The following SERINC5 variants were observed in gnomAD, a reference collection of about 807,000 sequenced individuals.
The protein encoded by SERINC5 is chromosome 5 open reading frame 12.
A neutral mutation model predicts 63.1 loss-of-function variants in SERINC5; 41 were observed. The ratio of observed to expected loss-of-function variants is 0.65; its 90% CI spans 0.51 to 0.84. The LOEUF (loss-of-function observed/expected upper bound fraction) is 0.84. SERINC5 is among the 40% of genes least tolerant of loss of function. The pLI is 0.00. For synonymous variants in SERINC5, 222 were observed against 215.2 expected (o/e 1.03, Z -0.28); for missense variants, 523 against 573.0 (o/e 0.91, Z 0.89).
intron 11 of SERINC5, among the ~76,000 whole-genome samples, chr5:80,117,805 TG>T (rs1023462463): frequency 6.6e-5 from 10 of 151,902 alleles, no homozygotes; most frequent in Non-Finnish European, 1.3e-4. Context: ...CAGCTTTGGG[TG>T]GCTGTCAGCA....
At chr5:80,187,248 A>C (rs569955793) in intron 2 of SERINC5, among the ~76,000 whole-genome samples, 1 of 152,332 alleles carries the variant, frequency 6.6e-6, no homozygotes, top group East Asian at 1.9e-4. Context: ...TTTCAAAGAA[A>C]GCTTTGGGCA....
rs180888954 is a variant in SERINC5 at position 80,192,345 on chromosome 5, C to T, written c.195+10541G>A. 1.5e-3 allele frequency among the ~76,000 whole-genome samples: 223 copies of T among 152,312 alleles called. 1 individual carries two copies. The highest frequency in any genetic ancestry group is 0.01 in the Middle Eastern group (3 of 292). On this transcript the variant is annotated intron_variant, in intron 2 of 11. Coordinates refer to ENST00000507668, the MANE Select transcript of SERINC5 (RefSeq NM_001174072.3). ...AGCTGTCCCAACCCTCCGCTCCTGC[C>T]TTCTCCCATGAGACTCTTCCCTTCC...
chr5:80,204,251 G>A (rs969187845), intron 1 of SERINC5, among the ~76,000 whole-genome samples: 6 of 152,198 alleles, frequency 3.9e-5, no homozygotes, highest in African/African-American at 1.4e-4. Context: ...TTCATAGCTG[G>A]TCAGTCAGAA....
At chr5:80,168,429 G>A (rs1477783552) in intron 6 of SERINC5, among the ~76,000 whole-genome samples, 1 of 152,094 alleles carries the variant, frequency 6.6e-6, no homozygotes, top group Non-Finnish European at 1.5e-5. Flanking sequence ...TTGAACTCCT[G>A]ACCTCAGACG....
chr5:80,193,537 C>A (rs533691063), intron 2 of SERINC5, among the ~76,000 whole-genome samples: 4 of 152,340 alleles, frequency 2.6e-5, no homozygotes, highest in Admixed American at 6.5e-5. Flanking sequence ...CCAGCTGACA[C>A]CTGGTGCTCC....
intron 1 of SERINC5, 193 bp from the exon 2 acceptor site, chr5:80,203,246 A>T (rs1471663273): frequency 2.3e-6 from 1 of 439,056 alleles, no homozygotes; most frequent in Non-Finnish European, 4.2e-6. Flanking sequence ...CTCTAAATAA[A>T]TATATATACA....
chr5:80,147,672 GCCTCCCCTTCCCCTTCTC>G (rs1006318146), intron 9 of SERINC5, among the ~76,000 whole-genome samples: 1 of 150,988 alleles, frequency 6.6e-6, no homozygotes, highest in African/African-American at 2.5e-5. Context: ...GCCCAATTTT[GCCTCCCCTTCCCCTTCTC>G]CCTCCCACAT....
At chr5:80,225,445 C>T (rs895696864) in intron 1 of SERINC5, among the ~76,000 whole-genome samples, 3 of 152,208 alleles carry the variant, frequency 2.0e-5, no homozygotes, top group Non-Finnish European at 4.4e-5. Context: ...TCACAACCTT[C>T]CTCTCATTCT....
At chr5:80,198,692 C>T in intron 2 of SERINC5, 1 of 985,386 alleles carries the variant, frequency 1.0e-6, no homozygotes, top group Non-Finnish European at 1.2e-6. Context: ...TCAACACCCG[C>T]CCGCAAGCAC....
At chr5:80,113,214 T>G (rs1055699618) in intron 12 of SERINC5, among the ~76,000 whole-genome samples, 1 of 152,144 alleles carries the variant, frequency 6.6e-6, no homozygotes, top group South Asian at 2.1e-4. Flanking sequence ...CTGATAGATG[T>G]TGTTGAATTG....
chr5:80,146,216 G>A lies in SERINC5; in HGVS notation c.1112C>T (p.Pro371Leu), dbSNP rs777160748. 5.6e-6 allele frequency: 9 copies of A among 1,613,808 alleles called. No individual in the cohort carries two copies. The highest frequency in any genetic ancestry group is 1.6e-4 in the Middle Eastern group (1 of 6,084). The change falls in exon 11 of 12, where the codon CCG (proline) becomes CTG (leucine). Residue 371 changes from proline to leucine, a missense_variant. Physicochemically the swap from Pro to Leu is moderately conservative, Grantham distance 98 (BLOSUM62 -3). Coordinates refer to ENST00000507668, the MANE Select transcript of SERINC5 (RefSeq NM_001174072.3). ...PGGEDTEEQQ[P>L]GKEGPRVIYD... ...AATGACCCGTGGTCCCTCCTTCCCC[G>A]GCTGCTGCTCTTCAGTGTCTGTGAA...
intron 11 of SERINC5, among the ~76,000 whole-genome samples, chr5:80,123,707 C>A (rs1453731540): frequency 1.3e-5 from 2 of 152,190 alleles, no homozygotes; most frequent in Non-Finnish European, 2.9e-5. Flanking sequence ...GACTTCAAAG[C>A]CCAATGTGCT....
chr5:80,246,410 C>T (rs542852841), intron 1 of SERINC5, among the ~76,000 whole-genome samples: 57 of 152,308 alleles, frequency 3.7e-4, no homozygotes, highest in African/African-American at 1.2e-3. Context: ...TTCCCATCTT[C>T]GCTAGTTATC....
chr5:80,185,724 G>A (rs1012134134), intron 2 of SERINC5, among the ~76,000 whole-genome samples: 16 of 152,178 alleles, frequency 1.1e-4, no homozygotes, highest in African/African-American at 3.9e-4. Flanking sequence ...GCTCAGTGGG[G>A]GAGCTTTTTG....
At chr5:80,230,247 G>C (rs890350625) in intron 1 of SERINC5, among the ~76,000 whole-genome samples, 1 of 152,084 alleles carries the variant, frequency 6.6e-6, no homozygotes, top group Admixed American at 6.6e-5. Context: ...GAGGCAGGCA[G>C]ATCACTTGAA....
intron 5 of SERINC5, among the ~76,000 whole-genome samples, chr5:80,174,640 G>C (rs535148887): frequency 6.6e-6 from 1 of 151,814 alleles, no homozygotes; most frequent in Non-Finnish European, 1.5e-5. Flanking sequence ...GCGGTGGCTC[G>C]AGCCTGTAAT....
intron 11 of SERINC5, among the ~76,000 whole-genome samples, chr5:80,115,986 T>A (rs1454976989): frequency 6.6e-6 from 1 of 152,066 alleles, no homozygotes; most frequent in Non-Finnish European, 1.5e-5. Flanking sequence ...TTGAAAGGGA[T>A]AGAAGATGTT....
In SERINC5 at chr5:80,229,050, T is replaced by TGGGAGGGGGGG. The variant is rs1751304306; in HGVS notation, c.28-25998_28-25997insCCCCCCCTCCC. On this transcript the variant is annotated intron_variant, in intron 1 of 11. Transcript: ENST00000507668. ...TTTTTTTTTTTTTTTTTTTTTTTTTTGGGGATGGAGTTGCCTAGGCTGGAG... is the reference window on the plus strand; with the variant it reads ...TTTTTTTTTTTTTTTTTTTTTTTTTTGGGAGGGGGGGGGGGATGGAGTTGCCTAGGCTGGAG... Among the ~76,000 whole-genome samples, 5 of 94,104 alleles carry TGGGAGGGGGGG rather than the reference T, an allele frequency of 5.3e-5. 1 individual carries two copies. The highest frequency in any genetic ancestry group is 1.3e-4 in the Admixed American group (1 of 7,530). The allele number at this position is 94,104 out of a possible 152,430, so 61.7% of individuals were successfully genotyped here. A position where few individuals can be genotyped will look rare whatever the true frequency, so the allele number is the denominator to read the frequency against.
rs146252345 is a variant in SERINC5 at position 80,251,061 on chromosome 5, A to G, written c.27+4835T>C. On this transcript the variant is annotated intron_variant, in intron 1 of 11. Coordinates refer to ENST00000507668, the MANE Select transcript of SERINC5 (RefSeq NM_001174072.3). ...AAGGCTTTGTTAATTAACATAACGG[A>G]CATCAGAAATGAGTTTTACTAGCCT... 2.3e-4 allele frequency among the ~76,000 whole-genome samples: 35 copies of G among 152,312 alleles called. No homozygotes were observed. The East Asian group carries it at 6.4e-3, about 28-fold the overall frequency.
Sources: gnomAD v4.1 joint callset for allele counts (sites outside exome capture counted in the v4.1 genomes callset) on GRCh38, gnomAD v4.1.1 for gene constraint, MANE v1.5 for transcripts, NCBI Gene and HGNC (gene_info 2026-07-23, HGNC 2026-07-21) for gene names.